SNX29: variants seen among roughly 807,000 people sequenced by gnomAD.
The protein encoded by SNX29 is sorting nexin-29.
Under a neutral mutation model 102.1 loss-of-function variants are expected in SNX29, and 78 were observed. That is an observed-to-expected ratio of 0.76 (90% CI 0.64 to 0.92). The LOEUF (loss-of-function observed/expected upper bound fraction) is 0.92, where lower values mean the gene tolerates loss of function less well. SNX29 is among the 40% of genes least tolerant of loss of function. The probability of loss-of-function intolerance (pLI) is 0.00; values close to 1 mark genes in which losing one functional copy is unlikely to be tolerated. For synonymous variants in SNX29, 580 were observed against 414.5 expected, an observed-to-expected ratio of 1.40 and a Z score of -4.85; for missense variants, 1,280 against 1,061.7, an observed-to-expected ratio of 1.21 and a Z score of -2.86.
chr16:12,564,763 T>G (rs11644821), intron 20 of SNX29, among the ~76,000 whole-genome samples: 1 of 151,952 alleles, frequency 6.6e-6, no homozygotes, highest in East Asian at 1.9e-4. Context: ...TTCTTGGTGA[T>G]TGGCTTTATG....
intron 19 of SNX29, among the ~76,000 whole-genome samples, chr16:12,487,977 A>G (rs1225670464): frequency 6.6e-6 from 1 of 152,134 alleles, no homozygotes; most frequent in Non-Finnish European, 1.5e-5. Flanking sequence ...GAGAGCAACC[A>G]CTAACGTCAT....
intron 13 of SNX29, among the ~76,000 whole-genome samples, chr16:12,132,676 C>T (rs910815926): frequency 2.6e-5 from 4 of 152,146 alleles, no homozygotes; most frequent in African/African-American, 9.7e-5. Context: ...AAAATTTTAT[C>T]CCATAGATGG....
intron 15 of SNX29, among the ~76,000 whole-genome samples, chr16:12,306,749 C>A (rs1412021569): frequency 6.6e-6 from 1 of 152,200 alleles, no homozygotes; most frequent in Non-Finnish European, 1.5e-5. Flanking sequence ...TTTAGAAATT[C>A]TTCAGAAAAG....
Position 12,241,862 on chromosome 16 carries a change from G to T in SNX29, c.1679-36071G>T, listed in dbSNP as rs142120278. ...GTTTTCTCTCTCCTTATGGCTAGAGGATGATTGCAGCAGTTCCAGAACTTT... is the reference window on the plus strand; with the variant it reads ...GTTTTCTCTCTCCTTATGGCTAGAGTATGATTGCAGCAGTTCCAGAACTTT... On this transcript the variant is annotated intron_variant, in intron 14 of 20. Coordinates refer to ENST00000566228, the MANE Select transcript of SNX29 (RefSeq NM_032167.5). Among the ~76,000 whole-genome samples the T allele has an allele frequency of 3.8e-3, 582 of 152,286 alleles. 2 individuals carry two copies. Among genetic ancestry groups the T allele is most frequent in the South Asian group, 0.017 (80 of 4,824 alleles).
At chr16:12,161,473 C>G (rs1358784694) in intron 13 of SNX29, among the ~76,000 whole-genome samples, 1 of 152,226 alleles carries the variant, frequency 6.6e-6, no homozygotes, top group African/African-American at 2.4e-5. Flanking sequence ...CATGGCATCA[C>G]TGCCCAATTG....
chr16:12,213,234 C>G (rs1161462115), intron 14 of SNX29, among the ~76,000 whole-genome samples: 1 of 152,138 alleles, frequency 6.6e-6, no homozygotes. Flanking sequence ...AACTCAGGAA[C>G]AGAAAAATAG....
At chr16:12,486,482 T>C (rs2088239824) in intron 19 of SNX29, among the ~76,000 whole-genome samples, 1 of 152,236 alleles carries the variant, frequency 6.6e-6, no homozygotes, top group South Asian at 2.1e-4. Context: ...TAGCCCACTT[T>C]ACAAATGGGG....
Position 12,259,066 on chromosome 16 carries a change from C to G in SNX29, c.1679-18867C>G, listed in dbSNP as rs139918431. ...CCTCCCCAGATTCCCCCTCCTCTCT[C>G]TCCTGCCCTCTGCTTCCCCAGAGCT... On this transcript the variant is annotated intron_variant, in intron 14 of 20. Coordinates refer to ENST00000566228, the MANE Select transcript of SNX29 (RefSeq NM_032167.5). 2.7e-3 allele frequency among the ~76,000 whole-genome samples: 413 copies of G among 152,296 alleles called. 1 individual carries two copies. The highest frequency in any genetic ancestry group is 4.1e-3 in the Non-Finnish European group (277 of 68,020).
chr16:12,190,177 A>G (rs932604637), intron 13 of SNX29, among the ~76,000 whole-genome samples: 2 of 152,136 alleles, frequency 1.3e-5, no homozygotes, highest in Non-Finnish European at 2.9e-5. Flanking sequence ...TCCTCTGACC[A>G]CATCTGGAAG....
intron 15 of SNX29, among the ~76,000 whole-genome samples, chr16:12,355,265 A>G (rs1184147854): frequency 6.6e-6 from 1 of 152,180 alleles, no homozygotes; most frequent in Non-Finnish European, 1.5e-5. Context: ...ATTCCTCCTC[A>G]GATACGACAC....
intron 20 of SNX29, among the ~76,000 whole-genome samples, chr16:12,563,080 G>A (rs927359376): frequency 3.3e-5 from 5 of 150,946 alleles, no homozygotes; most frequent in South Asian, 2.1e-4. Context: ...GAGAAATCCA[G>A]AATGTTACAT....
chr16:12,168,746 A>T (rs538219017), intron 13 of SNX29, among the ~76,000 whole-genome samples: 1 of 152,278 alleles, frequency 6.6e-6, no homozygotes, highest in African/African-American at 2.4e-5. Flanking sequence ...TAACGTATTG[A>T]GTTATTATTA....
chr16:12,401,192 T>C lies in SNX29; in HGVS notation c.1956-2256T>C, dbSNP rs553416307. Among the ~76,000 whole-genome samples the C allele has an allele frequency of 3.9e-5, 6 of 152,104 alleles. No individual in the cohort carries two copies. In the South Asian group the frequency reaches 1.2e-3, roughly 32 times the overall value. On this transcript the variant is annotated intron_variant, in intron 17 of 20. Transcript: ENST00000566228. ...GACAGATCAGTAAGGGGTTAGAAGA[T>C]TTGAACAACATGAGAAACCAATTAG...
At chr16:12,253,434 G>A (rs890130172) in intron 14 of SNX29, among the ~76,000 whole-genome samples, 1 of 152,206 alleles carries the variant, frequency 6.6e-6, no homozygotes, top group African/African-American at 2.4e-5. Flanking sequence ...GTCAGAAGCT[G>A]ATAATTGATA....
At chr16:12,553,365 G>T (rs757859313) in intron 20 of SNX29, among the ~76,000 whole-genome samples, 1 of 152,202 alleles carries the variant, frequency 6.6e-6, no homozygotes, top group Non-Finnish European at 1.5e-5. Context: ...CTCAGAGCTT[G>T]CCAGACATGC....
At chr16:12,408,306 A>G (rs1329327419) in intron 18 of SNX29, among the ~76,000 whole-genome samples, 1 of 152,266 alleles carries the variant, frequency 6.6e-6, no homozygotes, top group Non-Finnish European at 1.5e-5. Context: ...GCAGGCCTGC[A>G]GCCAAGCCAG....
At chr16:12,013,178 C>G (rs115863800) in intron 3 of SNX29, among the ~76,000 whole-genome samples, 1,917 of 151,736 alleles carry the variant, frequency 0.013, 34 homozygotes, top group African/African-American at 0.044. Flanking sequence ...AATGTCATGG[C>G]TCTACCATGG....
At chr16:12,479,206 G>A (rs1436807043) in intron 19 of SNX29, among the ~76,000 whole-genome samples, 1 of 152,224 alleles carries the variant, frequency 6.6e-6, no homozygotes, top group African/African-American at 2.4e-5. Context: ...TGTTCATGAG[G>A]AAGTATGAGG....
chr16:12,419,312 T>G (rs2151579471), intron 18 of SNX29, among the ~76,000 whole-genome samples: 1 of 152,282 alleles, frequency 6.6e-6, no homozygotes, highest in Non-Finnish European at 1.5e-5. Flanking sequence ...GGACCCGGCC[T>G]GCCCCTGTAA....
Sources: gnomAD v4.1 joint callset for allele counts (sites outside exome capture counted in the v4.1 genomes callset) on GRCh38, gnomAD v4.1.1 for gene constraint, MANE v1.5 for transcripts, NCBI Gene and HGNC (gene_info 2026-07-23, HGNC 2026-07-21) for gene names.